The following NAA25 variants were observed in gnomAD, a reference collection of about 807,000 sequenced individuals.
NAA25 encodes N-terminal acetyltransferase B complex subunit NAA25.
Under a neutral mutation model 132.5 loss-of-function variants are expected in NAA25, and 30 were observed. The observed-to-expected ratio is 0.23, with a 90% confidence interval of 0.17 to 0.31. The LOEUF (loss-of-function observed/expected upper bound fraction) is 0.31, where lower values mean the gene tolerates loss of function less well. NAA25 is among the 10% of genes least tolerant of loss of function. The pLI is 1.00. For synonymous variants in NAA25, 359 were observed against 401.9 expected (o/e 0.89, Z 1.28); for missense variants, 771 against 1,150.4 (o/e 0.67, Z 4.77).
At chr12:112,040,437 C>T in intron 21 of NAA25, 44 bp downstream of exon 21, 2 of 1,189,770 alleles carry the variant, frequency 1.7e-6, no homozygotes, top group Non-Finnish European at 2.5e-6. Flanking sequence ...TCCTGTAGAC[C>T]ATTAAGAACA....
chr12:112,108,496 A>G (rs1218078045), intron 1 of NAA25, among the ~76,000 whole-genome samples: 4 of 152,104 alleles, frequency 2.6e-5, no homozygotes, highest in Non-Finnish European at 5.9e-5. Context: ...TCTGCCGACC[A>G]GCTGCTGCCC....
intron 5 of NAA25, among the ~76,000 whole-genome samples, chr12:112,079,053 G>A (rs2078933464): frequency 6.6e-6 from 1 of 152,094 alleles, no homozygotes; most frequent in African/African-American, 2.4e-5. Context: ...TATTATTTAT[G>A]AGTATTATCA....
At chr12:112,043,929 T>C in intron 17 of NAA25, 61 bp from the exon 18 acceptor site, 1 of 322,024 alleles carries the variant, frequency 3.1e-6, no homozygotes, top group Non-Finnish European at 4.7e-6. Flanking sequence ...TTGCTTTCAA[T>C]TTTTTTTTTT....
At chr12:112,073,043 G>A (rs562842028) in intron 9 of NAA25, among the ~76,000 whole-genome samples, 4 of 151,906 alleles carry the variant, frequency 2.6e-5, no homozygotes, top group Admixed American at 1.3e-4. Flanking sequence ...AGATCAGCCT[G>A]GGCAACATGG....
intron 1 of NAA25, among the ~76,000 whole-genome samples, chr12:112,096,513 G>A (rs1197044476): frequency 1.3e-5 from 2 of 152,122 alleles, no homozygotes; most frequent in Non-Finnish European, 2.9e-5. Context: ...ATATTGATGA[G>A]CACCAATAAT....
chr12:112,071,178 C>T (rs2078801788), intron 10 of NAA25, among the ~76,000 whole-genome samples: 1 of 151,898 alleles, frequency 6.6e-6, no homozygotes. Context: ...GCCACCACAT[C>T]CACCCAATTT....
intron 1 of NAA25, among the ~76,000 whole-genome samples, chr12:112,095,138 G>GA (rs1315190274): frequency 2.6e-5 from 4 of 151,806 alleles, no homozygotes; most frequent in African/African-American, 4.8e-5. Flanking sequence ...ACCATCTCTA[G>GA]AAAAAATTTA....
intron 13 of NAA25, among the ~76,000 whole-genome samples, chr12:112,058,233 G>C (rs1261569067): frequency 6.6e-6 from 1 of 152,134 alleles, no homozygotes; most frequent in East Asian, 1.9e-4. Context: ...TCCCCAGTGG[G>C]GAAGGAGTTA....
At chr12:112,051,103 C>T (rs1423178478) in intron 15 of NAA25, among the ~76,000 whole-genome samples, 1 of 152,190 alleles carries the variant, frequency 6.6e-6, no homozygotes, top group Non-Finnish European at 1.5e-5. Context: ...CAGTAAGACA[C>T]TACAATCATA....
At chr12:112,048,875 C>T (rs1026928366) in intron 15 of NAA25, among the ~76,000 whole-genome samples, 2 of 151,200 alleles carry the variant, frequency 1.3e-5, no homozygotes, top group Non-Finnish European at 2.9e-5. Flanking sequence ...CTGCCCCCCG[C>T]CCCCCCAAAT....
At chr12:112,106,972 A>T (rs1009883853) in intron 1 of NAA25, among the ~76,000 whole-genome samples, 1 of 145,146 alleles carries the variant, frequency 6.9e-6, no homozygotes, top group Non-Finnish European at 1.5e-5. Flanking sequence ...AAAAAAAAAA[A>T]AAAAAAAAAG....
intron 4 of NAA25, among the ~76,000 whole-genome samples, chr12:112,085,528 A>G (rs1392974269): frequency 6.6e-6 from 1 of 152,158 alleles, no homozygotes; most frequent in East Asian, 1.9e-4. Flanking sequence ...TTATATGTCA[A>G]CCATATAAAG....
At chr12:112,098,576 G>A (rs986239995) in intron 1 of NAA25, among the ~76,000 whole-genome samples, 3 of 152,142 alleles carry the variant, frequency 2.0e-5, no homozygotes, top group African/African-American at 7.2e-5. Flanking sequence ...TTGGCCATGA[G>A]GAATGGTGCT....
intron 15 of NAA25, among the ~76,000 whole-genome samples, chr12:112,052,850 G>C (rs1195677674): frequency 1.3e-5 from 2 of 152,212 alleles, no homozygotes; most frequent in Non-Finnish European, 2.9e-5. Flanking sequence ...TGAAAACCAA[G>C]TAGGCAGTGA....
chr12:112,084,070 T>C (rs760710342), intron 4 of NAA25, among the ~76,000 whole-genome samples: 2 of 152,196 alleles, frequency 1.3e-5, no homozygotes, highest in African/African-American at 4.8e-5. Context: ...TGAAACAAAA[T>C]TTTTGATGAC....
rs2078502416 is a variant in NAA25, at chr12:112,053,755, T to C, written c.1629-98A>G. ...CGCTTCAAATTACTTGGCAAAAAAA[T>C]AGCTAGGCATAAGAAAACACTAAAA... is the stretch of plus-strand genomic sequence containing the variant. On this transcript the variant is annotated intron_variant, in intron 14 of 23. Transcript: ENST00000261745. The C allele has an allele frequency of 9.4e-6, 6 of 635,898 alleles. No individual in the cohort carries two copies. The South Asian group carries it at 1.1e-4, about 12-fold the overall frequency. 39.4% of individuals were successfully genotyped at this position (635,898 alleles called of 1,614,324 possible).
Position 112,042,019 on chromosome 12 carries a change from T to C in NAA25, c.2440+20A>G, listed in dbSNP as rs2078306549. On this transcript the variant is annotated intron_variant, in intron 20 of 23. Coordinates refer to ENST00000261745, the MANE Select transcript of NAA25 (RefSeq NM_024953.4). Reference sequence around the variant, plus strand: ...ATACAACCAGATACAAATACAGGAATCTACAGTAGGAAAACTTACCTTTTA... The same window carrying C: ...ATACAACCAGATACAAATACAGGAACCTACAGTAGGAAAACTTACCTTTTA... 1 of 1,387,130 alleles carries C rather than the reference T, an allele frequency of 7.2e-7. No individual in the cohort carries two copies. The highest frequency in any genetic ancestry group is 9.7e-7 in the Non-Finnish European group (1 of 1,028,508). 85.9% of individuals were successfully genotyped at this position (1,387,130 alleles called of 1,614,324 possible). A position where few individuals can be genotyped will look rare whatever the true frequency, so the allele number is the denominator to read the frequency against.
intron 17 of NAA25, among the ~76,000 whole-genome samples, chr12:112,044,600 G>A (rs2078351051): frequency 6.6e-6 from 1 of 151,890 alleles, no homozygotes; most frequent in Non-Finnish European, 1.5e-5. Context: ...AACCAGGGAG[G>A]CGGAGCTTGC....
intron 8 of NAA25, 65 bp from the exon 9 acceptor site, chr12:112,074,829 C>T: frequency 9.4e-7 from 1 of 1,061,106 alleles, no homozygotes; most frequent in East Asian, 2.5e-5. Flanking sequence ...TCCTTAGGAA[C>T]CATGATATTC....
Sources: gnomAD v4.1 joint callset for allele counts (sites outside exome capture counted in the v4.1 genomes callset) on GRCh38, gnomAD v4.1.1 for gene constraint, MANE v1.5 for transcripts, NCBI Gene and HGNC (gene_info 2026-07-23, HGNC 2026-07-21) for gene names.